Variants in TULP4 observed in about 807,000 individuals in gnomAD.
TULP4 encodes TUB like protein 4, also known as tubby-related protein 4.
Under a neutral mutation model 129.0 loss-of-function variants are expected in TULP4, and 16 were observed. The ratio of observed to expected loss-of-function variants is 0.12; its 90% confidence interval spans 0.08 to 0.19. The LOEUF (loss-of-function observed/expected upper bound fraction) is 0.19, where lower values mean the gene tolerates loss of function less well. Among genes scored for constraint, TULP4 ranks in the 10% least tolerant of loss-of-function variants. TULP4 has a pLI of 1.00. For missense variants in TULP4, 1,842 were observed against 2,059.1 expected (o/e 0.89, Z 2.04); for synonymous variants, 998 against 854.0 (o/e 1.17, Z -2.94).
intron 5 of TULP4, among the ~76,000 whole-genome samples, chr6:158,455,013 T>C (rs1284940049): frequency 6.6e-6 from 1 of 152,162 alleles, no homozygotes; most frequent in African/African-American, 2.4e-5. Context: ...ATGTGAAATT[T>C]TTTTCCTTGA....
At chr6:158,389,940 A>G (rs554869579) in intron 1 of TULP4, among the ~76,000 whole-genome samples, 2 of 152,146 alleles carry the variant, frequency 1.3e-5, no homozygotes, top group African/African-American at 4.8e-5. Context: ...GTGAAACCCT[A>G]TCTCTACTAA....
rs536409617 is a variant in TULP4 at position 158,344,520 on chromosome 6, T to C, written c.252+30252T>C. Among the ~76,000 whole-genome samples, 10 of 152,354 alleles carry C rather than the reference T, an allele frequency of 6.6e-5. 1 individual carries two copies. The South Asian group carries it at 2.1e-3, about 32-fold the overall frequency. The stretch of plus-strand genomic sequence containing the variant: ...GGTAATTGTCACAATATTTCAAGCT[T>C]TTTCATCATTATATCTTTTATGGTG... On this transcript the variant is annotated intron_variant, in intron 1 of 13. Coordinates refer to ENST00000367097, the MANE Select transcript of TULP4 (RefSeq NM_020245.5).
In TULP4 at chr6:158,455,220, G is replaced by A. The variant is rs1270088822; in HGVS notation, c.859+2952G>A. Among the ~76,000 whole-genome samples, 22 of 66,582 alleles carry A rather than the reference G, an allele frequency of 3.3e-4. 7 individuals carry two copies. The highest frequency in any genetic ancestry group is 6.1e-4 in the Non-Finnish European group (22 of 36,046). The allele number at this position is 66,582 out of a possible 152,430, so 43.7% of individuals were successfully genotyped here. On this transcript the variant is annotated intron_variant, in intron 5 of 13. Transcript: ENST00000367097. Reference sequence around the variant, plus strand: ...CTCCCGAGTAGCTGGGACTACAGGCGCCCGCCACCGCGCCCGGCTAATTTT... The same window carrying A: ...CTCCCGAGTAGCTGGGACTACAGGCACCCGCCACCGCGCCCGGCTAATTTT...
At chr6:158,297,334 C>T (rs183719171) in intron 1 of TULP4, among the ~76,000 whole-genome samples, 13 of 152,208 alleles carry the variant, frequency 8.5e-5, no homozygotes, top group Non-Finnish European at 1.8e-4. Flanking sequence ...TCCCTAAAAT[C>T]GCTGTTATTC....
At chr6:158,381,751 T>C (rs959522180) in intron 1 of TULP4, among the ~76,000 whole-genome samples, 2 of 152,344 alleles carry the variant, frequency 1.3e-5, no homozygotes, top group South Asian at 4.1e-4. Context: ...GTATTTATTC[T>C]TCAGTAATGA....
At chr6:158,337,128 C>CTTTTTT (rs34480077) in intron 1 of TULP4, among the ~76,000 whole-genome samples, 3 of 73,850 alleles carry the variant, frequency 4.1e-5, no homozygotes, top group Admixed American at 2.2e-4. Context: ...CTTTCTTTCT[C>CTTTTTT]TTTTTTTTTT....
chr6:158,502,922 G>A lies in TULP4; in HGVS notation c.3259G>A (p.Ala1087Thr), dbSNP rs1780497027. Residue 1087 changes from alanine (A) to threonine (T), a missense_variant, in exon 13 of 14, where the codon GCC becomes ACC. This residue lies in a region of TULP4 where 1,089 missense variants were observed against 987.1 expected (regional missense o/e 1.10). Transcript: ENST00000367097. ...ARDRTDYVNS[A>T]FTEDEALSQH... ...CGACCGCACCGACTACGTCAACTCG[G>A]CCTTCACGGAGGACGAGGCCCTGTC... The A allele has an allele frequency of 5.0e-6, 8 of 1,613,898 alleles. No individual in the cohort carries two copies. Among genetic ancestry groups the A allele is most frequent in the African/African-American group, 2.7e-5 (2 of 74,902 alleles).
At chr6:158,233,335 G>T (rs985323697) in intron 1 of TULP4, among the ~76,000 whole-genome samples, 1 of 152,206 alleles carries the variant, frequency 6.6e-6, no homozygotes, top group Admixed American at 6.5e-5. Flanking sequence ...GCACCTTAAG[G>T]ATATCCTTTA....
chr6:158,367,198 C>G (rs1387610510), intron 1 of TULP4, among the ~76,000 whole-genome samples: 1 of 152,144 alleles, frequency 6.6e-6, no homozygotes, highest in Admixed American at 6.5e-5. Context: ...CCTGGATGCT[C>G]CCGGAAACAG....
At chr6:158,480,012 A>T (rs773596538) in intron 7 of TULP4, 37 bp downstream of exon 7, 2 of 1,493,356 alleles carry the variant, frequency 1.3e-6, no homozygotes, top group South Asian at 2.4e-5. Context: ...CTCCTCCCTC[A>T]CCTGTGCTGG....
intron 9 of TULP4, among the ~76,000 whole-genome samples, chr6:158,491,437 C>CT (rs1296974587): frequency 1.2e-4 from 1 of 8,532 alleles, no homozygotes; most frequent in South Asian, 7.6e-3. Flanking sequence ...TTCTTTCTTT[C>CT]TTTCTTTTCT....
chr6:158,378,465 T>TTTTTG (rs1777243570), intron 1 of TULP4, among the ~76,000 whole-genome samples: 1 of 69,406 alleles, frequency 1.4e-5, no homozygotes, highest in South Asian at 4.4e-4. Context: ...GGGAGCCAGT[T>TTTTTG]TTTTTTTTTT....
chr6:158,329,113 T>C (rs1299991927), intron 1 of TULP4, among the ~76,000 whole-genome samples: 1 of 152,238 alleles, frequency 6.6e-6, no homozygotes, highest in Non-Finnish European at 1.5e-5. Flanking sequence ...CTGTGCATTT[T>C]GCCCAAGATT....
intron 1 of TULP4, among the ~76,000 whole-genome samples, chr6:158,353,282 A>G (rs559474418): frequency 6.6e-6 from 1 of 152,334 alleles, no homozygotes; most frequent in African/African-American, 2.4e-5. Flanking sequence ...TTAGTATTCC[A>G]GATAGAATCC....
intron 1 of TULP4, among the ~76,000 whole-genome samples, chr6:158,349,062 G>C (rs1780404990): frequency 1.6e-5 from 1 of 64,514 alleles, no homozygotes. Flanking sequence ...CCCAGACGGG[G>C]CGGCCAGGCA....
At chr6:158,264,211 G>A (rs1034946249) in intron 1 of TULP4, among the ~76,000 whole-genome samples, 3 of 152,204 alleles carry the variant, frequency 2.0e-5, no homozygotes, top group South Asian at 2.1e-4. Flanking sequence ...ACAGAATCAC[G>A]TTCAGGAAAA....
At chr6:158,406,009 CCT>C (rs1777970561) in intron 1 of TULP4, among the ~76,000 whole-genome samples, 2 of 152,176 alleles carry the variant, frequency 1.3e-5, no homozygotes, top group Non-Finnish European at 2.9e-5. Flanking sequence ...TGAAGTGGCT[CCT>C]CTGAGTGTTC....
At chr6:158,237,898 A>G in intron 1 of TULP4, 3 of 739,614 alleles carry the variant, frequency 4.1e-6, no homozygotes, top group Non-Finnish European at 7.6e-6. Flanking sequence ...CAGGGTATGA[A>G]TATCTTTTGG....
chr6:158,503,818 G>C lies in TULP4; in HGVS notation c.4155G>C (p.Lys1385Asn). 5 of 1,614,146 alleles carry C rather than the reference G, an allele frequency of 3.1e-6. No homozygotes were observed. The highest frequency in any genetic ancestry group is 3.4e-6 in the Non-Finnish European group (4 of 1,180,028). ...PHLGREKKKV[K>N]SQKDQLKSKK... ...TGGGGAGAGAGAAGAAGAAAGTGAA[G>C]AGTCAGAAAGACCAACTGAAGTCAA... The change falls in exon 13 of 14, where the codon AAG becomes AAC. Residue 1385 changes from lysine to asparagine, a missense_variant. Lys to Asn is a moderately conservative substitution (Grantham distance 94). Transcript: ENST00000367097. This position sits in a 1 kb window ranked among gnomAD's most constrained non-coding sequence, Gnocchi z 4.3.
Sources: gnomAD v4.1 joint callset for allele counts (sites outside exome capture counted in the v4.1 genomes callset) on GRCh38, gnomAD v4.1.1 for gene constraint, gnomAD v4.1.1 regional missense constraint, Gnocchi (gnomAD v3.1) non-coding constraint, MANE v1.5 for transcripts, NCBI Gene and HGNC (gene_info 2026-07-23, HGNC 2026-07-21) for gene names.